The following UNC13C variants were observed in gnomAD, a reference collection of about 807,000 sequenced individuals.
The protein encoded by UNC13C is unc-13 homolog C, also known as protein unc-13 homolog C.
Under a neutral mutation model 245.4 loss-of-function variants are expected in UNC13C, and 174 were observed. That is an observed-to-expected ratio of 0.71 (90% CI 0.63 to 0.80). UNC13C has a LOEUF of 0.80. UNC13C is among the 30% of genes least tolerant of loss of function. UNC13C has a pLI of 0.00. For synonymous variants in UNC13C, 992 were observed against 895.1 expected (o/e 1.11, Z -1.93); for missense variants, 2,829 against 2,602.9 (o/e 1.09, Z -1.89).
At chr15:54,218,028 G>C (rs192817329) in intron 4 of UNC13C, among the ~76,000 whole-genome samples, 2 of 152,080 alleles carry the variant, frequency 1.3e-5, no homozygotes, top group African/African-American at 4.8e-5. Context: ...TAGGAAAGTA[G>C]AGATGAGTAA....
intron 4 of UNC13C, among the ~76,000 whole-genome samples, chr15:54,189,621 T>C (rs549261602): frequency 1.3e-5 from 2 of 152,300 alleles, no homozygotes; most frequent in South Asian, 4.1e-4. Flanking sequence ...TAAGATAATT[T>C]GATTAAAAAT....
At chr15:54,099,966 G>T (rs921391210) in intron 2 of UNC13C, among the ~76,000 whole-genome samples, 3 of 151,840 alleles carry the variant, frequency 2.0e-5, no homozygotes, top group Admixed American at 2.0e-4. Flanking sequence ...CAGGTGTGGT[G>T]GTGGGCACCT....
At chr15:54,619,925 T>C (rs982579423) in intron 30 of UNC13C, among the ~76,000 whole-genome samples, 2 of 152,136 alleles carry the variant, frequency 1.3e-5, no homozygotes, top group African/African-American at 4.8e-5. Flanking sequence ...TCATTCAGTT[T>C]CAAAGTGAAA....
chr15:54,188,588 A>C (rs1030457805), intron 4 of UNC13C, among the ~76,000 whole-genome samples: 1 of 152,196 alleles, frequency 6.6e-6, no homozygotes, highest in Non-Finnish European at 1.5e-5. Flanking sequence ...ATGATTTTCA[A>C]AGCCGGATTG....
chr15:54,211,533 C>T (rs1407374662), intron 4 of UNC13C, among the ~76,000 whole-genome samples: 1 of 152,028 alleles, frequency 6.6e-6, no homozygotes, highest in African/African-American at 2.4e-5. Context: ...ATGTGATTAT[C>T]TCTGAATGCG....
chr15:54,391,845 C>T (rs1045324503), intron 17 of UNC13C, among the ~76,000 whole-genome samples: 8 of 151,924 alleles, frequency 5.3e-5, no homozygotes, highest in South Asian at 2.1e-4. Context: ...TCAAGTTACA[C>T]GAGAATAATT....
At chr15:54,016,148 C>G (rs1163733403) in intron 2 of UNC13C, among the ~76,000 whole-genome samples, 4 of 152,304 alleles carry the variant, frequency 2.6e-5, no homozygotes, top group South Asian at 4.1e-4. Flanking sequence ...TCAGATTTCT[C>G]TGCTAAATTT....
intron 20 of UNC13C, 124 bp from the exon 21 acceptor site, chr15:54,499,955 G>T (rs1164365460): frequency 1.3e-6 from 1 of 743,924 alleles, no homozygotes; most frequent in South Asian, 2.1e-5. Flanking sequence ...AAGCAAAACT[G>T]CAAGAGAGAA....
chr15:53,922,822 C>T, the UNC13C span, among the ~76,000 whole-genome samples: 1 of 152,146 alleles, frequency 6.6e-6, no homozygotes, highest in East Asian at 1.9e-4. Context: ...GACATTTAAT[C>T]TTTCTGTGTC....
At chr15:54,465,226 T>C (rs1377147738) in intron 19 of UNC13C, among the ~76,000 whole-genome samples, 1 of 152,090 alleles carries the variant, frequency 6.6e-6, no homozygotes, top group East Asian at 1.9e-4. Context: ...TAGTGTATGA[T>C]TCCACTTATC....
In UNC13C at chr15:54,280,769, C is replaced by CATACAT. The variant is rs369922918; in HGVS notation, c.3819-13123_3819-13122insCATATA. Among the ~76,000 whole-genome samples, 107 of 107,616 alleles carry CATACAT rather than the reference C, an allele frequency of 9.9e-4. 1 individual carries two copies. Among genetic ancestry groups the CATACAT allele is most frequent in the Middle Eastern group, 5.6e-3 (1 of 180 alleles). 70.6% of individuals were successfully genotyped at this position (107,616 alleles called of 152,430 possible). ...ATACATATATACACATACATACATACATATATATATATACACATATATATA... is the reference window on the plus strand; with the variant it reads ...ATACATATATACACATACATACATACATACATATATATATATATACACATATATATA... On this transcript the variant is annotated intron_variant, in intron 10 of 32. Transcript: ENST00000260323.
chr15:54,416,888 A>G, intron 19 of UNC13C: 1 of 456,398 alleles, frequency 2.2e-6, no homozygotes, highest in South Asian at 1.5e-5. Context: ...CGCTACAGTA[A>G]AAGTTTATTC....
At chr15:53,933,472 T>A in the UNC13C span, among the ~76,000 whole-genome samples, 118 of 152,274 alleles carry the variant, frequency 7.7e-4, no homozygotes, top group African/African-American at 2.8e-3. Context: ...AATATTTACT[T>A]CCAACATTTC....
chr15:54,128,605 A>G (rs992311682), intron 2 of UNC13C, among the ~76,000 whole-genome samples: 6 of 152,176 alleles, frequency 3.9e-5, no homozygotes. Flanking sequence ...TTTGGATCTT[A>G]TTAAAATCTC....
intron 4 of UNC13C, among the ~76,000 whole-genome samples, chr15:54,226,783 T>C (rs1225899113): frequency 6.6e-6 from 1 of 152,122 alleles, no homozygotes; most frequent in Non-Finnish European, 1.5e-5. Flanking sequence ...ATGTACTCCA[T>C]GTGGCTTGCG....
At chr15:54,586,611 A>G (rs936114394) in intron 30 of UNC13C, among the ~76,000 whole-genome samples, 1 of 152,222 alleles carries the variant, frequency 6.6e-6, no homozygotes, top group African/African-American at 2.4e-5. Flanking sequence ...GGCTTTTACA[A>G]ACAAATTTAG....
At chr15:53,991,772 C>T (rs971010522) in intron 1 of UNC13C, among the ~76,000 whole-genome samples, 1 of 152,028 alleles carries the variant, frequency 6.6e-6, no homozygotes, top group Non-Finnish European at 1.5e-5. Flanking sequence ...GATAGTTAAA[C>T]ACTACTACCT....
In UNC13C at chr15:54,294,900, A is replaced by G. The variant is rs573375391; in HGVS notation, c.3988+836A>G. On this transcript the variant is annotated intron_variant, in intron 11 of 32. Transcript: ENST00000260323. Reference sequence around the variant, plus strand: ...TGCTTTTGACTTTAAAAAAATCTGCATACTTTTAGTAATGAAATAATTGAC... The same window carrying G: ...TGCTTTTGACTTTAAAAAAATCTGCGTACTTTTAGTAATGAAATAATTGAC... Among the ~76,000 whole-genome samples, 5 of 152,336 alleles carry G rather than the reference A, an allele frequency of 3.3e-5. No homozygotes were observed. The South Asian group carries it at 8.3e-4, about 25-fold the overall frequency.
chr15:54,052,994 T>C (rs764812397), intron 2 of UNC13C, among the ~76,000 whole-genome samples: 5 of 152,154 alleles, frequency 3.3e-5, no homozygotes, highest in Admixed American at 6.5e-5. Context: ...AATTTTCTTA[T>C]TATTGTTATT....
Sources: gnomAD v4.1 joint callset for allele counts (sites outside exome capture counted in the v4.1 genomes callset) on GRCh38, gnomAD v4.1.1 for gene constraint, MANE v1.5 for transcripts, NCBI Gene and HGNC (gene_info 2026-07-23, HGNC 2026-07-21) for gene names.